The following KNTC1 variants were observed in gnomAD, a reference collection of about 807,000 sequenced individuals.
KNTC1 encodes kinetochore associated 1.
KNTC1 carries 253 observed loss-of-function variants against 314.4 expected under a neutral mutation model. The observed-to-expected ratio is 0.80, with a 90% CI of 0.73 to 0.89. The LOEUF (loss-of-function observed/expected upper bound fraction) is 0.89, where lower values mean the gene tolerates loss of function less well. Among genes scored for constraint, KNTC1 ranks in the 40% least tolerant of loss-of-function variants. The pLI is 0.00. For synonymous variants in KNTC1, 901 were observed against 901.4 expected, an observed-to-expected ratio of 1.00 and a Z score of 0.01; for missense variants, 2,475 against 2,572.9, an observed-to-expected ratio of 0.96 and a Z score of 0.82.
chr12:122,561,043 G>A (rs571542976), intron 18 of KNTC1, among the ~76,000 whole-genome samples: 1 of 152,282 alleles, frequency 6.6e-6, no homozygotes, highest in African/African-American at 2.4e-5. Flanking sequence ...TGGGTGCAGT[G>A]GCTCATGCCT....
intron 41 of KNTC1, 74 bp downstream of exon 41, chr12:122,590,809 C>T: frequency 1.4e-6 from 2 of 1,416,866 alleles, no homozygotes; most frequent in Non-Finnish European, 1.9e-6. Flanking sequence ...GTTGGTTTTG[C>T]CACCTGTTCT....
At chr12:122,588,978 G>A (rs1869770524) in intron 40 of KNTC1, among the ~76,000 whole-genome samples, 162 bp downstream of exon 40, 1 of 151,832 alleles carries the variant, frequency 6.6e-6, no homozygotes. Flanking sequence ...TTTTTATTAT[G>A]GTAATTGACA....
rs200553416 is a variant in KNTC1, at chr12:122,612,059, G to GT, written c.5623-1044dup. On this transcript the variant is annotated intron_variant, in intron 53 of 63. Transcript: ENST00000333479. Reference sequence around the variant, plus strand: ...TTACTACTTCATCAAGAACATTCTGGTTTTTTTTTGTGTTTTTTTTTTTTG... The same window carrying GT: ...TTACTACTTCATCAAGAACATTCTGGTTTTTTTTTTGTGTTTTTTTTTTTTG... Among the ~76,000 whole-genome samples the GT allele has an allele frequency of 8.7e-3, 1,296 of 148,578 alleles. 16 individuals are homozygous for GT. Among genetic ancestry groups the GT allele is most frequent in the African/African-American group, 0.031 (1,245 of 40,070 alleles).
At chr12:122,560,906 T>C (rs1301711353) in intron 18 of KNTC1, among the ~76,000 whole-genome samples, 2 of 152,330 alleles carry the variant, frequency 1.3e-5, no homozygotes, top group Middle Eastern at 3.4e-3. Context: ...AGTGTTGGGA[T>C]TGGGCCAAGC....
At chr12:122,570,254 C>G (rs1964601216) in intron 22 of KNTC1, among the ~76,000 whole-genome samples, 1 of 152,066 alleles carries the variant, frequency 6.6e-6, no homozygotes, top group African/African-American at 2.4e-5. Flanking sequence ...TGCAGTGACT[C>G]ACGCCTGTAA....
chr12:122,580,488 A>T, intron 32 of KNTC1, 115 bp from the exon 33 acceptor site: 5 of 631,448 alleles, frequency 7.9e-6, no homozygotes, highest in Non-Finnish European at 2.8e-6. Context: ...ATTTGAGAAG[A>T]ACTACTGAAG....
chr12:122,545,770 A>C (rs1962712217), intron 8 of KNTC1, among the ~76,000 whole-genome samples: 1 of 151,890 alleles, frequency 6.6e-6, no homozygotes, highest in Non-Finnish European at 1.5e-5. Flanking sequence ...TCAGCAACAT[A>C]GGGAGACCCT....
rs765748060 is a variant in KNTC1 at position 122,587,832 on chromosome 12, G to C, written c.3852G>C (p.Gln1284His). The change falls in exon 39 of 64, where the codon CAG (glutamine) becomes CAC (histidine). Residue 1284 changes from glutamine to histidine, a missense_variant. Coordinates refer to ENST00000333479, the MANE Select transcript of KNTC1 (RefSeq NM_014708.6). ...TTGGTTCATTTGGTACCTGTCTTCA[G>C]CACTCTGTGTCAAACTTCATGAATG... ...FVVGSFGTCLQHSVSNFMNAT... is the reference protein window; with the variant it reads ...FVVGSFGTCLHHSVSNFMNAT... The C allele has an allele frequency of 6.2e-7, 1 of 1,613,842 alleles. No individual in the cohort carries two copies. The highest frequency in any genetic ancestry group is 8.5e-7 in the Non-Finnish European group (1 of 1,179,808).
chr12:122,550,150 G>A (rs1464602405), intron 13 of KNTC1, among the ~76,000 whole-genome samples: 1 of 94,198 alleles, frequency 1.1e-5, no homozygotes, highest in African/African-American at 6.4e-5. Context: ...GATAATGGGA[G>A]ATGGAGACTA....
At chr12:122,605,715 T>G (rs1872515474) in intron 51 of KNTC1, among the ~76,000 whole-genome samples, 1 of 151,874 alleles carries the variant, frequency 6.6e-6, no homozygotes, top group African/African-American at 2.4e-5. Context: ...CCGGCTGATT[T>G]TTGTATTTTT....
intron 36 of KNTC1, 54 bp downstream of exon 36, chr12:122,585,044 T>C: frequency 1.0e-4 from 27 of 265,992 alleles, no homozygotes; most frequent in South Asian, 4.7e-4. Flanking sequence ...ATTATGCACC[T>C]TTTTTTTTTT....
At position 122,584,301 on chromosome 12, in the gene KNTC1, A is replaced by G. The variant is rs1302892806; in HGVS notation, c.3287A>G (p.Asn1096Ser). The G allele has an allele frequency of 3.1e-6, 5 of 1,613,284 alleles. No individual in the cohort carries two copies. Among genetic ancestry groups the G allele is most frequent in the South Asian group, 1.1e-5 (1 of 90,972 alleles). The change falls in exon 35 of 64, where the codon AAT becomes AGT. Residue 1096 changes from asparagine (N) to serine (S), a missense_variant. Transcript: ENST00000333479. ...AGCGACTTGTTTAAGTATCACTGCA[A>G]TGCTGACACTGGGAAATTGCTATTT... Reference protein sequence around the residue: ...KCSDLFKYHCNADTGKLLFLT... With the variant: ...KCSDLFKYHCSADTGKLLFLT...
chr12:122,565,762 G>A (rs1964285972), intron 20 of KNTC1, among the ~76,000 whole-genome samples: 1 of 151,982 alleles, frequency 6.6e-6, no homozygotes, highest in Non-Finnish European at 1.5e-5. Context: ...CCAGGTGCTT[G>A]TAGTCCTGGC....
intron 20 of KNTC1, among the ~76,000 whole-genome samples, chr12:122,563,250 A>G (rs980440045): frequency 1.3e-5 from 2 of 152,214 alleles, no homozygotes; most frequent in East Asian, 3.9e-4. Flanking sequence ...AGCTCACTGC[A>G]GCCTCAACTT....
chr12:122,557,294 A>G (rs1351270162), intron 16 of KNTC1, 90 bp from the exon 17 acceptor site: 1 of 1,220,108 alleles, frequency 8.2e-7, no homozygotes, highest in Non-Finnish European at 1.2e-6. Flanking sequence ...TTTTTGAAGT[A>G]GTTTGTTTCA....
intron 12 of KNTC1, among the ~76,000 whole-genome samples, chr12:122,549,505 T>A (rs954117382): frequency 6.6e-6 from 1 of 151,946 alleles, no homozygotes; most frequent in African/African-American, 2.4e-5. Context: ...GTAGCTGTGA[T>A]TACAGATGCA....
At position 122,570,922 on chromosome 12, in the gene KNTC1, T is replaced by C; in HGVS notation, c.1907T>C (p.Leu636Ser). The change falls in exon 23 of 64, where the codon TTA becomes TCA. Residue 636 changes from leucine (L) to serine (S), a missense_variant. Coordinates refer to ENST00000333479, the MANE Select transcript of KNTC1 (RefSeq NM_014708.6). ...WLEQAARNLE[L>S]TDKANWPENG... ...GAACAAGCAGCCAGGAACCTTGAAT[T>C]AACTGATAAGGTAATACTGATTTAA... 6.4e-7 allele frequency: 1 copy of C among 1,570,934 alleles called. No homozygotes were observed. Among genetic ancestry groups the C allele is most frequent in the Non-Finnish European group, 8.7e-7 (1 of 1,154,590 alleles).
Position 122,613,097 on chromosome 12 carries a change from CTTTTGGTTTT to C in KNTC1, c.5623-13_5623-4del. On this transcript the variant is annotated splice_region_variant and splice_polypyrimidine_tract_variant and intron_variant, in intron 53 of 63. Coordinates refer to ENST00000333479, the MANE Select transcript of KNTC1 (RefSeq NM_014708.6). ...TGCAGGTGTTCAACTCTCCAAACCT[CTTTTGGTTTT>C]TCAGACATTAGGTATGCATCAGTTA... is the stretch of plus-strand genomic sequence containing the variant. 6.7e-7 allele frequency: 1 copy of C among 1,494,352 alleles called. No individual in the cohort carries two copies. The highest frequency in any genetic ancestry group is 9.3e-7 in the Non-Finnish European group (1 of 1,074,914). The allele number at this position is 1,494,352 out of a possible 1,614,324, so 92.6% of individuals were successfully genotyped here.
At chr12:122,565,423 G>C (rs1053925992) in intron 20 of KNTC1, among the ~76,000 whole-genome samples, 1 of 151,544 alleles carries the variant, frequency 6.6e-6, no homozygotes, top group East Asian at 1.9e-4. Context: ...CCTGGACCGA[G>C]TTGTTCTTTT....
Sources: allele counts gnomAD v4.1 joint callset (sites outside exome capture counted in the v4.1 genomes callset), GRCh38; gene constraint gnomAD v4.1.1; transcripts MANE v1.5; gene names NCBI Gene and HGNC (gene_info 2026-07-23, HGNC 2026-07-21).